Variants in PARD3 observed in about 807,000 individuals in gnomAD.
PARD3 encodes the protein partitioning defective 3 homolog.
A neutral mutation model predicts 155.4 loss-of-function variants in PARD3; 75 were observed. The observed-to-expected ratio is 0.48, with a 90% CI of 0.40 to 0.58. PARD3 has a LOEUF of 0.58. PARD3 is among the 20% of genes least tolerant of loss of function. The pLI is 0.00. For synonymous variants in PARD3, 576 were observed against 610.5 expected, an observed-to-expected ratio of 0.94 and a Z score of 0.83; for missense variants, 1,642 against 1,721.7, an observed-to-expected ratio of 0.95 and a Z score of 0.82.
intron 2 of PARD3, among the ~76,000 whole-genome samples, chr10:34,684,778 TACACACACAC>T (rs3087285): frequency 0.097 from 11,487 of 118,816 alleles, 467 homozygotes; most frequent in Non-Finnish European, 0.1. Context: ...TGATGATACA[TACACACACAC>T]ACACACACAC....
At chr10:34,436,687 G>T (rs2076204375) in intron 5 of PARD3, among the ~76,000 whole-genome samples, 1 of 152,134 alleles carries the variant, frequency 6.6e-6, no homozygotes, top group African/African-American at 2.4e-5. Flanking sequence ...AACAGCAAAG[G>T]ATAGTAAATA....
intron 2 of PARD3, among the ~76,000 whole-genome samples, chr10:34,610,321 T>C (rs2132611805): frequency 6.6e-6 from 1 of 152,290 alleles, no homozygotes; most frequent in South Asian, 2.1e-4. Flanking sequence ...GATACAGCTA[T>C]TATCATAAGA....
In PARD3 at chr10:34,607,202, T is replaced by C. The variant is rs536819732; in HGVS notation, c.222+89116A>G. Among the ~76,000 whole-genome samples the C allele has an allele frequency of 8.5e-5, 13 of 152,230 alleles. No homozygotes were observed. In the South Asian group the frequency reaches 2.7e-3, roughly 32 times the overall value. On this transcript the variant is annotated intron_variant, in intron 2 of 24. Transcript: ENST00000374788. ...CACCCTATCCCACCCACAAAGTCAT[T>C]ACTCAAGACCCATTAAAAGTGTAAG...
intron 22 of PARD3, among the ~76,000 whole-genome samples, chr10:34,227,237 T>C (rs1339781137): frequency 6.6e-6 from 1 of 152,160 alleles, no homozygotes; most frequent in African/African-American, 2.4e-5. Flanking sequence ...AAAACATACA[T>C]GTGGCCAACA....
intron 5 of PARD3, among the ~76,000 whole-genome samples, chr10:34,435,262 T>C (rs574262139): frequency 1.5e-4 from 23 of 152,176 alleles, no homozygotes; most frequent in Non-Finnish European, 2.9e-4. Flanking sequence ...CAACACTTCA[T>C]CATCTCAACT....
chr10:34,553,264 G>A (rs1046714522), intron 2 of PARD3, among the ~76,000 whole-genome samples: 1 of 152,154 alleles, frequency 6.6e-6, no homozygotes, highest in African/African-American at 2.4e-5. Flanking sequence ...ACCATGGAAA[G>A]GGCTGGTTAA....
At chr10:34,610,311 G>A (rs918412825) in intron 2 of PARD3, among the ~76,000 whole-genome samples, 2 of 152,072 alleles carry the variant, frequency 1.3e-5, no homozygotes, top group African/African-American at 2.4e-5. Flanking sequence ...GGAGGCCACC[G>A]ATACAGCTAT....
At chr10:34,187,836 C>T (rs1187509938) in intron 22 of PARD3, among the ~76,000 whole-genome samples, 1 of 152,156 alleles carries the variant, frequency 6.6e-6, no homozygotes, top group African/African-American at 2.4e-5. Context: ...TAAGGTATTC[C>T]ACTAAATTAC....
At chr10:34,464,669 A>G (rs971699520) in intron 4 of PARD3, among the ~76,000 whole-genome samples, 1 of 152,358 alleles carries the variant, frequency 6.6e-6, no homozygotes, top group Non-Finnish European at 1.5e-5. Context: ...AACATTAACT[A>G]TAAGAACTCA....
chr10:34,113,228 C>T (rs1304716059), intron 24 of PARD3, among the ~76,000 whole-genome samples: 1 of 152,154 alleles, frequency 6.6e-6, no homozygotes, highest in Non-Finnish European at 1.5e-5. Context: ...CAACCCCCTT[C>T]CTCCCCAGCT....
chr10:34,436,386 G>C (rs972500570), intron 5 of PARD3, among the ~76,000 whole-genome samples: 8 of 152,178 alleles, frequency 5.3e-5, no homozygotes, highest in African/African-American at 1.9e-4. Flanking sequence ...TGTGTAAAGG[G>C]AGATATTTTA....
intron 2 of PARD3, chr10:34,664,022 G>GT (rs1163704413): frequency 1.3e-5 from 2 of 152,238 alleles, no homozygotes; most frequent in African/African-American, 4.8e-5. Flanking sequence ...GGCTTAGCAG[G>GT]TTGGGGCCTC....
intron 3 of PARD3, among the ~76,000 whole-genome samples, chr10:34,509,041 C>T (rs2081251195): frequency 1.3e-5 from 2 of 152,208 alleles, no homozygotes. Flanking sequence ...CTTTCCTGTA[C>T]TCTTTCTGAA....
At chr10:34,689,371 G>C (rs73269444) in intron 2 of PARD3, among the ~76,000 whole-genome samples, 3,669 of 152,296 alleles carry the variant, frequency 0.024, 145 homozygotes, top group African/African-American at 0.084. Flanking sequence ...GGTGTTGTGA[G>C]TCTAAGCTAC....
chr10:34,663,240 G>C (rs1215941412), intron 2 of PARD3, among the ~76,000 whole-genome samples: 3 of 152,134 alleles, frequency 2.0e-5, no homozygotes, highest in African/African-American at 4.8e-5. Context: ...AGGGCGGGTA[G>C]ATTGCCTGAG....
At chr10:34,410,313 T>G (rs1163474589) in intron 5 of PARD3, among the ~76,000 whole-genome samples, 2 of 151,914 alleles carry the variant, frequency 1.3e-5, no homozygotes, top group Non-Finnish European at 2.9e-5. Flanking sequence ...TTTTTTTAGA[T>G]CATATAGGTT....
chr10:34,686,846 C>G (rs1488886023), intron 2 of PARD3, among the ~76,000 whole-genome samples: 1 of 151,948 alleles, frequency 6.6e-6, no homozygotes, highest in African/African-American at 2.4e-5. Context: ...GTCAAGAGTT[C>G]GAGACCAGCT....
At chr10:34,115,707 T>G (rs964206743) in intron 24 of PARD3, among the ~76,000 whole-genome samples, 11 of 151,852 alleles carry the variant, frequency 7.2e-5, no homozygotes, top group Non-Finnish European at 1.3e-4. Flanking sequence ...ATTTATAATT[T>G]TTTTCTTTTT....
intron 22 of PARD3, among the ~76,000 whole-genome samples, chr10:34,266,226 C>CTA (rs1246987925): frequency 1.9e-4 from 19 of 98,220 alleles, no homozygotes; most frequent in African/African-American, 1.0e-3. Flanking sequence ...GATTGTCTTT[C>CTA]TATAAAAAAA....
Sources: allele counts gnomAD v4.1 joint callset (sites outside exome capture counted in the v4.1 genomes callset), GRCh38; gene constraint gnomAD v4.1.1; transcripts MANE v1.5; gene names NCBI Gene and HGNC (gene_info 2026-07-23, HGNC 2026-07-21).